Variants in YAE1 observed in about 807,000 individuals in gnomAD.
The protein encoded by YAE1 is YAE1 maturation factor of ABCE1.
In YAE1, 22 loss-of-function variants were observed where a neutral mutation model predicts 23.0. That is an observed-to-expected ratio of 0.96 (90% CI 0.68 to 1.37). YAE1 has a LOEUF of 1.37. Ranked by LOEUF, YAE1 falls within the 40% of genes most tolerant of loss-of-function variation. The pLI is 0.00. For missense variants in YAE1, 260 were observed against 262.1 expected (o/e 0.99, Z 0.06); for synonymous variants, 101 against 97.0 (o/e 1.04, Z -0.24).
chr7:39,569,842 G>T, intron 1 of YAE1: 1 of 832,358 alleles, frequency 1.2e-6, no homozygotes, highest in Non-Finnish European at 2.1e-6. Flanking sequence ...AAGTCCTTCT[G>T]AGTCCTTGGA....
chr7:39,607,368 C>T (rs1791145391), intron 2 of YAE1, among the ~76,000 whole-genome samples: 2 of 152,146 alleles, frequency 1.3e-5, no homozygotes, highest in African/African-American at 2.4e-5. Context: ...ATCCTATAAT[C>T]ACAAGAACCC....
At chr7:39,605,252 T>C (rs1791112318) in intron 2 of YAE1, among the ~76,000 whole-genome samples, 1 of 152,198 alleles carries the variant, frequency 6.6e-6, no homozygotes, top group Non-Finnish European at 1.5e-5. Flanking sequence ...GGTTAACCTA[T>C]GAGCTGTGAT....
At position 39,566,458 on chromosome 7, in the gene YAE1, G is replaced by A; in HGVS notation, c.40G>A (p.Gly14Arg). ...AGCAGCCTCCTTGATCCAGGGCCCT[G>A]GAGACAAAGGGGACGTGTTTGACGA... is the stretch of plus-strand genomic sequence containing the variant. Reference protein sequence around the residue: ...VQAASLIQGPGDKGDVFDEEA... With the variant: ...VQAASLIQGPRDKGDVFDEEA... Residue 14 changes from glycine (G) to arginine (R), a missense_variant, in exon 1 of 3, where the codon GGA (glycine) becomes AGA (arginine). Physicochemically the swap from Gly to Arg is moderately radical, Grantham distance 125. Coordinates refer to ENST00000223273, the MANE Select transcript of YAE1 (RefSeq NM_020192.5). 6.2e-7 allele frequency: 1 copy of A among 1,614,196 alleles called. No homozygotes were observed. The highest frequency in any genetic ancestry group is 8.5e-7 in the Non-Finnish European group (1 of 1,180,042).
chr7:39,579,898 G>T (rs1379848754), intron 2 of YAE1, among the ~76,000 whole-genome samples: 2 of 151,932 alleles, frequency 1.3e-5, no homozygotes, highest in Non-Finnish European at 2.9e-5. Flanking sequence ...AATAATAATA[G>T]CCAGGCATGG....
chr7:39,570,839 G>A (rs1252121733), intron 2 of YAE1: 17 of 505,302 alleles, frequency 3.4e-5, no homozygotes, highest in Non-Finnish European at 4.9e-5. Context: ...GTCTTTTCGT[G>A]CAAAGAAATG....
downstream of YAE1, among the ~76,000 whole-genome samples, chr7:39,573,632 G>A (rs1267319851): frequency 4.6e-5 from 7 of 152,094 alleles, no homozygotes; most frequent in Non-Finnish European, 1.0e-4. Context: ...CTCATTGGTA[G>A]CCTTAATTGC....
At chr7:39,603,929 G>T (rs1455224552) in intron 2 of YAE1, among the ~76,000 whole-genome samples, 2 of 152,144 alleles carry the variant, frequency 1.3e-5, no homozygotes, top group East Asian at 3.8e-4. Context: ...TGAGATGAGG[G>T]TTAACTCAGT....
At chr7:39,584,784 C>A (rs1250422030) in intron 2 of YAE1, among the ~76,000 whole-genome samples, 1 of 152,046 alleles carries the variant, frequency 6.6e-6, no homozygotes, top group Non-Finnish European at 1.5e-5. Flanking sequence ...TATGGGAGGC[C>A]GGGTTGGGAG....
At chr7:39,582,311 G>A (rs917360368) in intron 2 of YAE1, among the ~76,000 whole-genome samples, 5 of 151,704 alleles carry the variant, frequency 3.3e-5, no homozygotes, top group Admixed American at 1.3e-4. Context: ...TGAATTCTAG[G>A]CATGAGCCAC....
intron 1 of YAE1, chr7:39,570,163 T>G (rs1790542749): frequency 1.4e-6 from 1 of 737,640 alleles, no homozygotes; most frequent in East Asian, 2.5e-5. Flanking sequence ...GTACCAGGAC[T>G]GCCAGCGGAA....
At chr7:39,609,899 C>T (rs1427030215) in exon 3 of YAE1, 2 of 1,531,386 alleles carry the variant, frequency 1.3e-6, no homozygotes, top group Non-Finnish European at 8.7e-7. Context: ...CAGCAGCCTG[C>T]CCCGCCTGGC....
chr7:39,582,603 C>G (rs1364895460), intron 2 of YAE1, among the ~76,000 whole-genome samples: 2 of 152,046 alleles, frequency 1.3e-5, no homozygotes, highest in African/African-American at 4.8e-5. Context: ...CACTTATGAC[C>G]CACCCCATTT....
At chr7:39,599,693 TA>T (rs777021856) in intron 2 of YAE1, among the ~76,000 whole-genome samples, 4 of 151,794 alleles carry the variant, frequency 2.6e-5, no homozygotes, top group Non-Finnish European at 4.4e-5. Flanking sequence ...TTTATTTATT[TA>T]TTTTTTATTG....
At chr7:39,578,539 T>C (rs1041997942) in intron 2 of YAE1, among the ~76,000 whole-genome samples, 1 of 152,222 alleles carries the variant, frequency 6.6e-6, no homozygotes, top group Admixed American at 6.5e-5. Flanking sequence ...GCTTCGCTCC[T>C]GAGGCCAGCG....
At chr7:39,585,067 A>G (rs1790796284) in intron 2 of YAE1, among the ~76,000 whole-genome samples, 1 of 152,154 alleles carries the variant, frequency 6.6e-6, no homozygotes, top group African/African-American at 2.4e-5. Flanking sequence ...GCCACTTGCA[A>G]TTTCTTATGT....
Position 39,566,525 on chromosome 7 carries a change from G to A in YAE1, c.107G>A (p.Ser36Asn), listed in dbSNP as rs765381674. 7 of 1,613,994 alleles carry A rather than the reference G, an allele frequency of 4.3e-6. No individual in the cohort carries two copies. The highest frequency in any genetic ancestry group is 1.7e-5 in the Admixed American group (1 of 59,998). ...CTCCTGGCGCAGCGGGAATGGCAGA[G>A]TAACATGCAAAGACGAGTCAAAGTA... The part of the protein sequence containing the change: ...ESLLAQREWQ[S>N]NMQRRVKEGY... Residue 36 changes from serine (S) to asparagine (N), a missense_variant, in exon 1 of 3, where the codon AGT becomes AAT. By Grantham distance (46) the Ser-to-Asn change is conservative. Transcript: ENST00000223273.
In YAE1 at chr7:39,566,495, A is replaced by C. The variant is rs776917220; in HGVS notation, c.77A>C (p.Glu26Ala). The change falls in exon 1 of 3, where the codon GAG becomes GCG. Residue 26 changes from glutamate to alanine, a missense_variant. By Grantham distance (107) the Glu-to-Ala change is moderately radical. Transcript: ENST00000223273. Reference protein sequence around the residue: ...KGDVFDEEADESLLAQREWQS... With the variant: ...KGDVFDEEADASLLAQREWQS... ...GACGTGTTTGACGAAGAAGCAGACG[A>C]GTCGCTCCTGGCGCAGCGGGAATGG... is the stretch of plus-strand genomic sequence containing the variant. 1.2e-6 allele frequency: 2 copies of C among 1,614,168 alleles called. No homozygotes were observed. Among genetic ancestry groups the C allele is most frequent in the South Asian group, 2.2e-5 (2 of 91,088 alleles).
At chr7:39,609,282 C>T (rs2115860706) in intron 2 of YAE1, among the ~76,000 whole-genome samples, 1 of 152,280 alleles carries the variant, frequency 6.6e-6, no homozygotes, top group Non-Finnish European at 1.5e-5. Context: ...TTAGGAACAT[C>T]TGGATAGAAA....
At chr7:39,574,051 G>A (rs929859961), downstream of YAE1, among the ~76,000 whole-genome samples, 6 of 152,260 alleles carry the variant, frequency 3.9e-5, no homozygotes, top group South Asian at 2.1e-4. Flanking sequence ...TTGCTGTGCC[G>A]TGCATATACA....
Sources: allele counts gnomAD v4.1 joint callset (sites outside exome capture counted in the v4.1 genomes callset), GRCh38; gene constraint gnomAD v4.1.1; transcripts MANE v1.5; gene names NCBI Gene and HGNC (gene_info 2026-07-23, HGNC 2026-07-21).